The following KAZN variants were observed in gnomAD, a reference collection of about 807,000 sequenced individuals.
The protein encoded by KAZN is kazrin, periplakin interacting protein, also known as kazrin.
A neutral mutation model predicts 87.4 loss-of-function variants in KAZN; 40 were observed. The observed-to-expected ratio is 0.46, with a 90% CI of 0.36 to 0.60. The LOEUF is 0.60. KAZN is among the 20% of genes least tolerant of loss of function. KAZN has a pLI of 0.00. For missense variants in KAZN, 898 were observed against 1,073.9 expected, an observed-to-expected ratio of 0.84 and a Z score of 2.29; for synonymous variants, 466 against 458.3, an observed-to-expected ratio of 1.02 and a Z score of -0.22.
chr1:14,040,101 GAGAC>G (rs745586036), intron 1 of KAZN, among the ~76,000 whole-genome samples: 34 of 144,496 alleles, frequency 2.4e-4, no homozygotes, highest in Admixed American at 8.9e-4. Flanking sequence ...GAGAGAGAGA[GAGAC>G]AGAGAGAGAG....
At chr1:14,307,803 CAG>C (rs1655029615) in intron 2 of KAZN, among the ~76,000 whole-genome samples, 1 of 152,192 alleles carries the variant, frequency 6.6e-6, no homozygotes, top group East Asian at 1.9e-4. Context: ...AGAGTGGATA[CAG>C]AGTTCCACTC....
intron 2 of KAZN, among the ~76,000 whole-genome samples, chr1:14,967,380 A>C (rs1664574704): frequency 6.6e-6 from 1 of 152,130 alleles, no homozygotes; most frequent in South Asian, 2.1e-4. Flanking sequence ...CTTCAGGTTC[A>C]GTCTCCGCAT....
chr1:15,065,822 C>G, intron 8 of KAZN, 69 bp downstream of exon 8: 2 of 1,588,722 alleles, frequency 1.3e-6, no homozygotes, highest in Non-Finnish European at 1.7e-6. Context: ...CGCCTGCTGC[C>G]CGCAGGCGTG....
rs190477087 is a variant in KAZN at position 14,712,754 on chromosome 1, C to T, written c.226+113531C>T. 3.3e-5 allele frequency among the ~76,000 whole-genome samples: 5 copies of T among 152,294 alleles called. No homozygotes were observed. In the East Asian group the frequency reaches 7.7e-4, roughly 24 times the overall value. On this transcript the variant is annotated intron_variant, in intron 1 of 14. Coordinates refer to ENST00000376030, the MANE Select transcript of KAZN (RefSeq NM_201628.3). ...AAAGTCAAAAGTTGGGGGCAGAAAC[C>T]GCTCAGACCTGGGCAGGCTGGAACA... is the stretch of plus-strand genomic sequence containing the variant.
At chr1:14,365,537 T>C (rs1298058687) in intron 2 of KAZN, among the ~76,000 whole-genome samples, 1 of 152,220 alleles carries the variant, frequency 6.6e-6, no homozygotes, top group Admixed American at 6.5e-5. Context: ...TTTTGGGTAA[T>C]GCAATTCAAC....
intron 1 of KAZN, among the ~76,000 whole-genome samples, chr1:14,122,707 T>A (rs771061223): frequency 6.6e-6 from 1 of 152,240 alleles, no homozygotes; most frequent in Non-Finnish European, 1.5e-5. Flanking sequence ...AGTCTATTGC[T>A]TTTAGGCTGT....
chr1:14,127,399 GTTTT>G (rs574276908), intron 1 of KAZN, among the ~76,000 whole-genome samples: 1 of 47,698 alleles, frequency 2.1e-5, no homozygotes. Flanking sequence ...CTTTACTGTT[GTTTT>G]TTTTTTTTTT....
At chr1:14,917,473 G>A (rs1036577439) in intron 1 of KAZN, among the ~76,000 whole-genome samples, 3 of 152,184 alleles carry the variant, frequency 2.0e-5, no homozygotes, top group Non-Finnish European at 2.9e-5. Flanking sequence ...CTCAGAAGCC[G>A]TGGGCAGGTC....
intron 2 of KAZN, among the ~76,000 whole-genome samples, chr1:14,432,023 C>T (rs1356611285): frequency 6.6e-6 from 1 of 152,128 alleles, no homozygotes; most frequent in Non-Finnish European, 1.5e-5. Context: ...AATATAGGAA[C>T]CAAACATGGT....
intron 2 of KAZN, among the ~76,000 whole-genome samples, chr1:14,236,898 T>C (rs1303122780): frequency 5.3e-5 from 8 of 152,172 alleles, no homozygotes; most frequent in Non-Finnish European, 1.2e-4. Context: ...CACTCCAGCC[T>C]GGGTGACGGA....
At chr1:14,153,408 G>C (rs186567985) in intron 1 of KAZN, among the ~76,000 whole-genome samples, 2 of 151,952 alleles carry the variant, frequency 1.3e-5, no homozygotes, top group Non-Finnish European at 1.5e-5. Context: ...TCATTCTTTC[G>C]CATTTGGATA....
chr1:13,993,891 G>C lies in KAZN; in HGVS notation c.91+100135G>C, dbSNP rs144120258. On this transcript the variant is annotated intron_variant, in intron 1 of 16. Coordinates refer to the KAZN transcript ENST00000636203. Reference sequence around the variant, plus strand: ...ATGACTTTTTAAAAATGGAGTCATAGTTTTATGTCAATCCCTTTAATAAGA... The same window carrying C: ...ATGACTTTTTAAAAATGGAGTCATACTTTTATGTCAATCCCTTTAATAAGA... 4.2e-3 allele frequency among the ~76,000 whole-genome samples: 647 copies of C among 152,296 alleles called. 4 individuals are homozygous for C. The highest frequency in any genetic ancestry group is 0.015 in the African/African-American group (627 of 41,562).
intron 8 of KAZN, 197 bp downstream of exon 8, chr1:15,065,950 CA>C: frequency 7.2e-7 from 1 of 1,398,098 alleles, no homozygotes; most frequent in Non-Finnish European, 9.3e-7. Flanking sequence ...GCGCCTCTAA[CA>C]AGTGAAAACA....
intron 1 of KAZN, among the ~76,000 whole-genome samples, chr1:14,042,724 CA>C (rs914159069): frequency 6.6e-6 from 1 of 152,032 alleles, no homozygotes; most frequent in African/African-American, 2.4e-5. Context: ...AACTGGAAGT[CA>C]AGCTGTCTAT....
At chr1:14,782,735 G>C (rs1269360675) in intron 1 of KAZN, among the ~76,000 whole-genome samples, 1 of 151,972 alleles carries the variant, frequency 6.6e-6, no homozygotes, top group Non-Finnish European at 1.5e-5. Context: ...TTAATCAAAG[G>C]AGTCCCAATC....
At chr1:14,392,825 G>A (rs1403145594) in intron 2 of KAZN, among the ~76,000 whole-genome samples, 1 of 152,128 alleles carries the variant, frequency 6.6e-6, no homozygotes, top group African/African-American at 2.4e-5. Context: ...TCCTGTTTTT[G>A]TAATTCTCAT....
At chr1:14,728,115 G>A (rs1643493445) in intron 1 of KAZN, among the ~76,000 whole-genome samples, 1 of 151,352 alleles carries the variant, frequency 6.6e-6, no homozygotes. Context: ...GTGAAACCTC[G>A]TCTCTACTAA....
chr1:14,511,538 C>A (rs1254939198), intron 2 of KAZN, among the ~76,000 whole-genome samples: 1 of 152,164 alleles, frequency 6.6e-6, no homozygotes, highest in African/African-American at 2.4e-5. Flanking sequence ...TATGCTTTCA[C>A]AAAAGCAGAA....
At chr1:14,678,513 G>T (rs761859442) in intron 1 of KAZN, among the ~76,000 whole-genome samples, 3 of 152,162 alleles carry the variant, frequency 2.0e-5, no homozygotes, top group African/African-American at 7.2e-5. Context: ...GCGGCCTATC[G>T]TGGGACTTTA....
Sources: gnomAD v4.1 joint callset for allele counts (sites outside exome capture counted in the v4.1 genomes callset) on GRCh38, gnomAD v4.1.1 for gene constraint, MANE v1.5 for transcripts, NCBI Gene and HGNC (gene_info 2026-07-23, HGNC 2026-07-21) for gene names.